VWA8: variants seen among roughly 807,000 people sequenced by gnomAD.
VWA8 encodes von Willebrand factor A domain containing 8.
VWA8 carries 221 observed loss-of-function variants against 241.5 expected under a neutral mutation model. That is an observed-to-expected ratio of 0.91 (90% CI 0.82 to 1.02). VWA8 has a LOEUF of 1.02. Among genes scored for constraint, VWA8 ranks in the 50% least tolerant of loss-of-function variants. The pLI is 0.00. For missense variants in VWA8, 2,322 were observed against 2,328.7 expected (o/e 1.00, Z 0.06); for synonymous variants, 852 against 827.1 (o/e 1.03, Z -0.52).
At chr13:41,758,976 G>A (rs2137903762) in intron 21 of VWA8, among the ~76,000 whole-genome samples, 1 of 151,496 alleles carries the variant, frequency 6.6e-6, no homozygotes, top group Non-Finnish European at 1.5e-5. Flanking sequence ...ATTTTTAAAT[G>A]TTAAGCTAGC....
intron 21 of VWA8, among the ~76,000 whole-genome samples, chr13:41,746,247 G>C (rs541488327): frequency 5.2e-4 from 79 of 152,278 alleles, no homozygotes; most frequent in African/African-American, 1.8e-3. Context: ...GAATGTAGCT[G>C]TTCTCTAGTG....
At chr13:41,682,992 CCATT>C (rs1228846758) in intron 35 of VWA8, among the ~76,000 whole-genome samples, 1 of 152,056 alleles carries the variant, frequency 6.6e-6, no homozygotes, top group African/African-American at 2.4e-5. Context: ...ACTGAAACCT[CCATT>C]CATTGCTGAT....
intron 37 of VWA8, among the ~76,000 whole-genome samples, chr13:41,657,282 T>G (rs2044913228): frequency 6.6e-6 from 1 of 151,548 alleles, no homozygotes; most frequent in South Asian, 2.1e-4. Context: ...TCCTGTGCCA[T>G]GTGTTGAGCG....
chr13:41,730,611 G>T (rs1593726816), intron 22 of VWA8, among the ~76,000 whole-genome samples: 1 of 152,106 alleles, frequency 6.6e-6, no homozygotes, highest in Non-Finnish European at 1.5e-5. Context: ...TAGGTTTAAG[G>T]TGACTGGGTT....
chr13:41,640,967 TA>T lies in VWA8; in HGVS notation c.4612-25884del, dbSNP rs958510938. ...TAACACAAAAACGAAGAGGATGAGATAAAAAAAAAACTGGTAGAAGATTGTG... is the reference window on the plus strand; with the variant it reads ...TAACACAAAAACGAAGAGGATGAGATAAAAAAAAACTGGTAGAAGATTGTG... On this transcript the variant is annotated intron_variant, in intron 37 of 44. Transcript: ENST00000379310. 6.7e-5 allele frequency among the ~76,000 whole-genome samples: 10 copies of T among 148,918 alleles called. No homozygotes were observed. In the South Asian group the frequency reaches 8.5e-4, roughly 13 times the overall value.
intron 26 of VWA8, among the ~76,000 whole-genome samples, chr13:41,716,111 G>T (rs1156882586): frequency 6.6e-6 from 1 of 151,966 alleles, no homozygotes; most frequent in Non-Finnish European, 1.5e-5. Flanking sequence ...AAGTACTAGT[G>T]GAAAGGGGCA....
At chr13:41,810,231 C>G (rs533693503) in intron 17 of VWA8, among the ~76,000 whole-genome samples, 1 of 151,980 alleles carries the variant, frequency 6.6e-6, no homozygotes, top group South Asian at 2.1e-4. Context: ...CTAGAACAAC[C>G]ATATGACACA....
intron 29 of VWA8, among the ~76,000 whole-genome samples, chr13:41,696,545 A>C (rs191847004): frequency 2.0e-5 from 3 of 152,318 alleles, no homozygotes; most frequent in Admixed American, 2.0e-4. Context: ...GGTAGGGTCA[A>C]TCCAATATGC....
intron 37 of VWA8, among the ~76,000 whole-genome samples, chr13:41,663,864 G>A (rs752845981): frequency 1.3e-5 from 2 of 151,068 alleles, no homozygotes; most frequent in East Asian, 2.0e-4. Flanking sequence ...TCGTTAAGTC[G>A]GGGACTGTCT....
intron 2 of VWA8, among the ~76,000 whole-genome samples, chr13:41,931,096 C>G (rs748290568): frequency 6.7e-6 from 1 of 150,198 alleles, no homozygotes. Flanking sequence ...TTGCAGTGAG[C>G]CGAGATTGCG....
chr13:41,629,520 C>T (rs1033897509), intron 37 of VWA8, among the ~76,000 whole-genome samples: 15 of 152,098 alleles, frequency 9.9e-5, no homozygotes, highest in Admixed American at 9.2e-4. Flanking sequence ...AACAACTGCC[C>T]TAACCTGGTA....
At chr13:41,629,640 AT>A (rs2044714270) in intron 37 of VWA8, among the ~76,000 whole-genome samples, 1 of 151,828 alleles carries the variant, frequency 6.6e-6, no homozygotes. Flanking sequence ...GTCACATAAT[AT>A]TTCCCTAGGA....
chr13:41,813,556 C>A (rs1870561225), intron 16 of VWA8, among the ~76,000 whole-genome samples: 3 of 152,016 alleles, frequency 2.0e-5, no homozygotes, highest in African/African-American at 7.2e-5. Context: ...TCCTGTTAAA[C>A]CATAGGGTAT....
chr13:41,886,928 G>T, intron 6 of VWA8, 98 bp from the exon 7 acceptor site: 1 of 985,610 alleles, frequency 1.0e-6, no homozygotes, highest in Non-Finnish European at 1.5e-6. Context: ...TAATTAAGCA[G>T]ACACTAAATA....
intron 38 of VWA8, 24 bp downstream of exon 38, chr13:41,614,952 C>T: frequency 6.2e-7 from 1 of 1,611,638 alleles, no homozygotes; most frequent in Non-Finnish European, 8.5e-7. Context: ...AAGGCTGACT[C>T]AGGAGAATGC....
chr13:41,795,792 T>C (rs551507314), intron 17 of VWA8, among the ~76,000 whole-genome samples: 1 of 152,050 alleles, frequency 6.6e-6, no homozygotes, highest in African/African-American at 2.4e-5. Context: ...TGGAGCCTCT[T>C]GAGGTGGGCG....
rs182631384 is a variant in VWA8, at chr13:41,732,030, C to T, written c.2502+50G>A. ...CCATCCTCCAAAAACTGAAATACAA[C>T]TATGATACAAAAATACACTTGAAAA... On this transcript the variant is annotated intron_variant, in intron 22 of 44. Transcript: ENST00000379310. The T allele has an allele frequency of 9.2e-5, 142 of 1,538,042 alleles. No homozygotes were observed. In the East Asian group the frequency reaches 3.1e-3, roughly 34 times the overall value.
intron 37 of VWA8, among the ~76,000 whole-genome samples, chr13:41,668,070 G>A (rs1394493320): frequency 3.9e-5 from 6 of 152,208 alleles, no homozygotes; most frequent in Non-Finnish European, 1.5e-5. Context: ...AGGCTGAAAT[G>A]TAGCAAAGAC....
chr13:41,772,472 A>AAAAAC (rs1555333407), intron 20 of VWA8, among the ~76,000 whole-genome samples: 3 of 151,958 alleles, frequency 2.0e-5, no homozygotes, highest in Non-Finnish European at 2.9e-5. Flanking sequence ...AAACAAAAAA[A>AAAAAC]AAATCAGCAT....
Sources: gnomAD v4.1 joint callset for allele counts (sites outside exome capture counted in the v4.1 genomes callset) on GRCh38, gnomAD v4.1.1 for gene constraint, MANE v1.5 for transcripts, NCBI Gene and HGNC (gene_info 2026-07-23, HGNC 2026-07-21) for gene names.